Variants in GARIN1A observed in about 807,000 individuals in gnomAD.
The protein encoded by GARIN1A is golgi associated RAB2 interactor 1A, also known as Golgi-associated RAB2 interactor protein 1A.
At chr7:128,700,974 C>G in the GARIN1A span, among the ~76,000 whole-genome samples, 1 of 151,282 alleles carries the variant, frequency 6.6e-6, no homozygotes, top group Non-Finnish European at 1.5e-5. Context: ...TTGGCTCCCC[C>G]ACAGATACCA....
the GARIN1A span, among the ~76,000 whole-genome samples, chr7:128,707,249 T>A: frequency 7.8e-6 from 1 of 128,150 alleles, no homozygotes; most frequent in African/African-American, 2.8e-5. Context: ...TGTGTGTGTG[T>A]GAAGAATGTT....
chr7:128,700,008 T>C, the GARIN1A span, among the ~76,000 whole-genome samples: 1 of 152,340 alleles, frequency 6.6e-6, no homozygotes, highest in African/African-American at 2.4e-5. Context: ...CTAACATTAA[T>C]ATAGCTCACC....
chr7:128,683,141 G>A, the GARIN1A span: 1 of 1,610,398 alleles, frequency 6.2e-7, no homozygotes, highest in Non-Finnish European at 8.5e-7. Context: ...ACCTAGGAGA[G>A]CACTTCTTGG....
At chr7:128,677,278 C>T in the GARIN1A span, among the ~76,000 whole-genome samples, 13 of 150,862 alleles carry the variant, frequency 8.6e-5, no homozygotes, top group African/African-American at 2.4e-4. Flanking sequence ...GAGGCCGAGG[C>T]GGGCGGATCA....
the GARIN1A span, among the ~76,000 whole-genome samples, chr7:128,708,224 A>C: frequency 6.8e-6 from 1 of 146,604 alleles, no homozygotes; most frequent in African/African-American, 2.5e-5. Context: ...ACAAGTTCTC[A>C]CTATGTTGCC....
the GARIN1A span, among the ~76,000 whole-genome samples, chr7:128,699,265 C>T: frequency 7.2e-6 from 1 of 139,836 alleles, no homozygotes; most frequent in Non-Finnish European, 1.6e-5. Context: ...CTGCTGCCCC[C>T]CCCCCCCCAC....
chr7:128,685,376 A>C, the GARIN1A span: 29 of 152,366 alleles, frequency 1.9e-4, no homozygotes, highest in Admixed American at 1.6e-3. Flanking sequence ...TGAAGCCATT[A>C]ATGTTGACCT....
At chr7:128,682,226 C>T in the GARIN1A span, among the ~76,000 whole-genome samples, 32 of 152,300 alleles carry the variant, frequency 2.1e-4, no homozygotes, top group Admixed American at 7.8e-4. Flanking sequence ...TCTCTCCCCA[C>T]GTGACAACCC....
chr7:128,681,735 C>G, the GARIN1A span, among the ~76,000 whole-genome samples: 2 of 151,824 alleles, frequency 1.3e-5, no homozygotes, highest in Non-Finnish European at 2.9e-5. Context: ...ACTCCTCAGC[C>G]CAAGCAGTCC....
chr7:128,695,720 C>A, the GARIN1A span, among the ~76,000 whole-genome samples: 1 of 151,322 alleles, frequency 6.6e-6, no homozygotes, highest in Admixed American at 6.6e-5. The surrounding 1 kb of genome is among the most constrained non-coding windows in gnomAD (Gnocchi z 4.5). Context: ...TTTGTAGATT[C>A]TTTTGTAGAG....
the GARIN1A span, among the ~76,000 whole-genome samples, chr7:128,705,072 T>G: frequency 6.6e-6 from 1 of 152,238 alleles, no homozygotes; most frequent in Non-Finnish European, 1.5e-5. Flanking sequence ...GTCAACAGTC[T>G]GTTCCTTTTT....
the GARIN1A span, among the ~76,000 whole-genome samples, chr7:128,689,562 G>T: frequency 1.4e-5 from 2 of 143,300 alleles, no homozygotes; most frequent in African/African-American, 5.3e-5. Flanking sequence ...CCCGGCAGCC[G>T]CCCCGTCTGA....
At chr7:128,693,009 T>G in the GARIN1A span, among the ~76,000 whole-genome samples, 1 of 152,252 alleles carries the variant, frequency 6.6e-6, no homozygotes, top group Non-Finnish European at 1.5e-5. Context: ...AAGCTGTAAC[T>G]TGAAACCACC....
At chr7:128,681,684 G>A in the GARIN1A span, among the ~76,000 whole-genome samples, 108 of 151,710 alleles carry the variant, frequency 7.1e-4, no homozygotes, top group African/African-American at 1.7e-3. Context: ...TAAATTTTTA[G>A]TAGAGACAAG....
At chr7:128,688,734 CT>C in the GARIN1A span, among the ~76,000 whole-genome samples, 1 of 146,544 alleles carries the variant, frequency 6.8e-6, no homozygotes, top group African/African-American at 2.5e-5. Context: ...GTAGAACCAT[CT>C]TTTTGCTTTT....
chr7:128,693,642 C>G, the GARIN1A span: 2 of 152,438 alleles, frequency 1.3e-5, no homozygotes, highest in Admixed American at 1.3e-4. Context: ...ATGCTCTGGG[C>G]CTGGTGCCCA....
chr7:128,699,569 G>C, the GARIN1A span, among the ~76,000 whole-genome samples: 1 of 152,198 alleles, frequency 6.6e-6, no homozygotes, highest in Non-Finnish European at 1.5e-5. Context: ...TTGCGATCCA[G>C]ATATGAATAT....
chr7:128,681,036 T>C, the GARIN1A span, among the ~76,000 whole-genome samples: 1 of 152,262 alleles, frequency 6.6e-6, no homozygotes, highest in African/African-American at 2.4e-5. Flanking sequence ...TAGGGTATCA[T>C]CAAAATGCAA....
chr7:128,679,987 C>T, the GARIN1A span: 2 of 1,275,166 alleles, frequency 1.6e-6, no homozygotes, highest in Non-Finnish European at 2.2e-6. Context: ...GCCAAGAACT[C>T]TCTGAGCAGA....
Sources: allele counts gnomAD v4.1 joint callset (sites outside exome capture counted in the v4.1 genomes callset), GRCh38; gene constraint gnomAD v4.1.1; non-coding constraint Gnocchi (gnomAD v3.1); transcripts MANE v1.5; gene names NCBI Gene and HGNC (gene_info 2026-07-23, HGNC 2026-07-21).